ATP8B1: variants seen among roughly 807,000 people sequenced by gnomAD.
The protein encoded by ATP8B1 is phospholipid-transporting ATPase IC.
ATP8B1 carries 80 observed loss-of-function variants against 149.9 expected under a neutral mutation model. That is an observed-to-expected ratio of 0.53 (90% CI 0.45 to 0.64). The LOEUF is 0.64. Ranked by LOEUF, ATP8B1 falls within the 30% of genes least tolerant of loss-of-function variation. ATP8B1 has a pLI of 0.00. For missense variants in ATP8B1, 1,247 were observed against 1,552.6 expected (o/e 0.80, Z 3.31); for synonymous variants, 536 against 562.8 (o/e 0.95, Z 0.67).
rs1235426297 is a variant in ATP8B1, at chr18:57,654,165, T to TTTTG, written c.2932-94_2932-91dup. 5.2e-5 allele frequency: 62 copies of TTTTG among 1,186,128 alleles called. 1 individual carries two copies. Among genetic ancestry groups the TTTTG allele is most frequent in the Admixed American group, 4.5e-4 (24 of 53,384 alleles). 73.5% of individuals were successfully genotyped at this position (1,186,128 alleles called of 1,614,324 possible). ...ACTCATCTGCTTCCTTTATTTAACA[T>TTTTG]TTTGTTTGTTTGTTTGTTTTAATAG... On this transcript the variant is annotated intron_variant, in intron 23 of 27. Coordinates refer to ENST00000648908, the MANE Select transcript of ATP8B1 (RefSeq NM_001374385.1).
At chr18:57,726,585 A>G (rs2079711238) in intron 2 of ATP8B1, among the ~76,000 whole-genome samples, 1 of 152,234 alleles carries the variant, frequency 6.6e-6, no homozygotes, top group South Asian at 2.1e-4. Flanking sequence ...ACCCCCAGTT[A>G]GTGCAAAGGA....
rs142991333 is a variant in ATP8B1, at chr18:57,714,621, A to AAGAG, written c.182-8038_182-8035dup. Among the ~76,000 whole-genome samples, 844 of 132,604 alleles carry AAGAG rather than the reference A, an allele frequency of 6.4e-3. 4 individuals carry two copies. Among genetic ancestry groups the AAGAG allele is most frequent in the African/African-American group, 0.02 (807 of 39,900 alleles). 87.0% of individuals were successfully genotyped at this position (132,604 alleles called of 152,430 possible). Reference sequence around the variant, plus strand: ...AAGGGGGAGAGAGAAAGAGCAAAAAAAGAGAGAGAGAGAGATTGATTCTGT... The same window carrying AAGAG: ...AAGGGGGAGAGAGAAAGAGCAAAAAAAGAGAGAGAGAGAGAGAGATTGATTCTGT... On this transcript the variant is annotated intron_variant, in intron 2 of 27. Transcript: ENST00000648908.
At chr18:57,773,853 C>T (rs2080284631) in intron 1 of ATP8B1, among the ~76,000 whole-genome samples, 1 of 152,150 alleles carries the variant, frequency 6.6e-6, no homozygotes, top group South Asian at 2.1e-4. Context: ...CTCCTCACCT[C>T]CCTGCAAGCT....
At chr18:57,658,682 T>C (rs911484610) in intron 22 of ATP8B1, among the ~76,000 whole-genome samples, 1 of 150,646 alleles carries the variant, frequency 6.6e-6, no homozygotes, top group Non-Finnish European at 1.5e-5. Flanking sequence ...TTTTTGTTGT[T>C]GGAGAAAGGG....
intron 1 of ATP8B1, among the ~76,000 whole-genome samples, chr18:57,799,775 C>T (rs1167476022): frequency 6.6e-5 from 10 of 151,760 alleles, no homozygotes; most frequent in Admixed American, 2.0e-4. Context: ...TAGACATGCT[C>T]ATATCTATAT....
At chr18:57,697,068 C>G (rs1165029564) in intron 8 of ATP8B1, among the ~76,000 whole-genome samples, 1 of 152,152 alleles carries the variant, frequency 6.6e-6, no homozygotes. Context: ...CGAGACCAGC[C>G]TGGCTAACAT....
At chr18:57,699,096 G>C (rs2122922455) in intron 6 of ATP8B1, among the ~76,000 whole-genome samples, 1 of 152,298 alleles carries the variant, frequency 6.6e-6, no homozygotes, top group Non-Finnish European at 1.5e-5. Context: ...TGAGCAGGAG[G>C]CTTCAGGCAG....
intron 1 of ATP8B1, among the ~76,000 whole-genome samples, chr18:57,795,878 A>C (rs112088418): frequency 1.3e-5 from 1 of 76,240 alleles, no homozygotes; most frequent in African/African-American, 5.9e-5. Context: ...TTTACATTTA[A>C]AAAAAAAAAG....
At chr18:57,743,944 A>G (rs535676623) in intron 1 of ATP8B1, among the ~76,000 whole-genome samples, 1 of 152,288 alleles carries the variant, frequency 6.6e-6, no homozygotes, top group South Asian at 2.1e-4. Flanking sequence ...TGGAACACCA[A>G]GTGGTTCTAC....
chr18:57,663,761 ATTT>A (rs10598900), intron 20 of ATP8B1, among the ~76,000 whole-genome samples: 8,392 of 97,174 alleles, frequency 0.086, 182 homozygotes, highest in Middle Eastern at 0.2. Context: ...TGCTTTGCCC[ATTT>A]TTTTTTTTTT....
chr18:57,717,084 G>C (rs972781138), intron 2 of ATP8B1, among the ~76,000 whole-genome samples: 2 of 152,120 alleles, frequency 1.3e-5, no homozygotes, highest in Non-Finnish European at 2.9e-5. Context: ...GTGGGTCAAT[G>C]AAGAAATTAA....
chr18:57,655,309 T>C lies in ATP8B1; in HGVS notation c.2816A>G (p.His939Arg), dbSNP rs1344836118. 3 of 1,614,156 alleles carry C rather than the reference T, an allele frequency of 1.9e-6. No individual in the cohort carries two copies. Among genetic ancestry groups the C allele is most frequent in the East Asian group, 2.2e-5 (1 of 44,890 alleles). ...CATCCTTATGTAAGACCATCGGCCA[T>C]GCACCAGCAGTAGCCTCTGCAGATA... Reference protein sequence around the residue: ...FRYLQRLLLVHGRWSYIRMCK... With the variant: ...FRYLQRLLLVRGRWSYIRMCK... Residue 939 changes from histidine to arginine, a missense_variant, in exon 23 of 28, where the codon CAT becomes CGT. This residue lies in a region of ATP8B1 where 230 missense variants were observed against 356.6 expected (regional missense o/e 0.65). Transcript: ENST00000648908.
At chr18:57,698,469 C>T (rs766451655) in intron 6 of ATP8B1, among the ~76,000 whole-genome samples, 7 of 152,076 alleles carry the variant, frequency 4.6e-5, no homozygotes, top group Admixed American at 2.6e-4. Flanking sequence ...CTCAGCCTCC[C>T]GAGTAGCTGG....
intron 1 of ATP8B1, among the ~76,000 whole-genome samples, chr18:57,768,343 T>C (rs1287784950): frequency 6.3e-5 from 8 of 126,960 alleles, no homozygotes; most frequent in Admixed American, 5.0e-4. Flanking sequence ...GCAAAGATCA[T>C]GCCACTGTAC....
intron 2 of ATP8B1, among the ~76,000 whole-genome samples, chr18:57,719,284 G>A (rs143346131): frequency 0.012 from 1,797 of 152,290 alleles, 35 homozygotes; most frequent in African/African-American, 0.04. Flanking sequence ...GAACAGCTCC[G>A]GTCTACAGCT....
At chr18:57,689,222 G>A (rs1912408496) in intron 12 of ATP8B1, among the ~76,000 whole-genome samples, 2 of 152,094 alleles carry the variant, frequency 1.3e-5, no homozygotes, top group Non-Finnish European at 2.9e-5. Context: ...AGCACCCAGG[G>A]GCACTGGAAT....
intron 6 of ATP8B1, among the ~76,000 whole-genome samples, chr18:57,699,668 C>T (rs967873264): frequency 9.2e-5 from 14 of 151,842 alleles, no homozygotes; most frequent in Admixed American, 3.9e-4. Context: ...TTGCAGTGAG[C>T]GGAGATCGCG....
At chr18:57,681,495 G>C (rs955474798) in intron 15 of ATP8B1, among the ~76,000 whole-genome samples, 3 of 152,126 alleles carry the variant, frequency 2.0e-5, no homozygotes, top group Admixed American at 2.0e-4. Context: ...ATTCACTACA[G>C]AGTAGCAGAA....
intron 16 of ATP8B1, among the ~76,000 whole-genome samples, chr18:57,672,905 TATATATATATATATATATATATATATA>T (rs1911310819): frequency 3.0e-5 from 2 of 65,716 alleles, no homozygotes; most frequent in African/African-American, 1.2e-4. Flanking sequence ...TATATATATA[TATATATATATATATATATATATATATA>T]ACATGTATAT....
Sources: gnomAD v4.1 joint callset for allele counts (sites outside exome capture counted in the v4.1 genomes callset) on GRCh38, gnomAD v4.1.1 for gene constraint, gnomAD v4.1.1 regional missense constraint, MANE v1.5 for transcripts, NCBI Gene and HGNC (gene_info 2026-07-23, HGNC 2026-07-21) for gene names.